Variants in IGFL2 observed in about 807,000 individuals in gnomAD.
IGFL2 encodes IGF like family member 2.
Under a neutral mutation model 13.9 loss-of-function variants are expected in IGFL2, and 7 were observed. The observed-to-expected ratio is 0.51, with a 90% confidence interval of 0.29 to 0.95. The LOEUF is 0.95. Ranked by LOEUF, IGFL2 falls within the 40% of genes least tolerant of loss-of-function variation. The pLI is 0.08. For synonymous variants in IGFL2, 55 were observed against 55.8 expected, an observed-to-expected ratio of 0.99 and a Z score of 0.07; for missense variants, 138 against 147.8, an observed-to-expected ratio of 0.93 and a Z score of 0.34.
the IGFL2 span, among the ~76,000 whole-genome samples, chr19:46,110,374 A>G: frequency 6.6e-6 from 1 of 152,198 alleles, no homozygotes; most frequent in South Asian, 2.1e-4. Context: ...TTCCTGCAAC[A>G]ACACAATCAC....
At chr19:46,127,221 A>G in the IGFL2 span, among the ~76,000 whole-genome samples, 11 of 152,190 alleles carry the variant, frequency 7.2e-5, no homozygotes, top group East Asian at 1.9e-3. Flanking sequence ...CCCTGTCTGT[A>G]CCAGAAAACA....
chr19:46,148,978 A>G (rs761777127), intron 1 of IGFL2: 24 of 1,596,186 alleles, frequency 1.5e-5, no homozygotes, highest in Non-Finnish European at 2.0e-5. Context: ...TCTCAGCGCC[A>G]GGAAATCATG....
At chr19:46,120,750 C>T in the IGFL2 span, among the ~76,000 whole-genome samples, 4 of 150,880 alleles carry the variant, frequency 2.7e-5, no homozygotes, top group South Asian at 2.1e-4. Context: ...TTGGTTATTG[C>T]ATAGCATGAT....
the IGFL2 span, among the ~76,000 whole-genome samples, chr19:46,205,071 G>A: frequency 6.6e-6 from 1 of 152,152 alleles, no homozygotes; most frequent in East Asian, 1.9e-4. Context: ...ACAGGCGTGA[G>A]CCACCGTGCC....
chr19:46,146,678 A>G (rs192266017), upstream of IGFL2, among the ~76,000 whole-genome samples: 169 of 152,266 alleles, frequency 1.1e-3, no homozygotes, highest in African/African-American at 3.8e-3. Context: ...ATACCAGTTC[A>G]GTTTTTGGGG....
At chr19:46,161,040 C>G in intron 3 of IGFL2, 30 bp from the exon 4 acceptor site, 1 of 1,578,576 alleles carries the variant, frequency 6.3e-7, no homozygotes, top group Non-Finnish European at 8.6e-7. Flanking sequence ...GTCTGTTATT[C>G]GTAATTTCTT....
chr19:46,198,995 A>C, the IGFL2 span, among the ~76,000 whole-genome samples: 1 of 152,212 alleles, frequency 6.6e-6, no homozygotes, highest in African/African-American at 2.4e-5. Flanking sequence ...CCACGGTTTC[A>C]CATTCCAGGA....
chr19:46,166,819 T>C, the IGFL2 span, among the ~76,000 whole-genome samples: 1 of 152,242 alleles, frequency 6.6e-6, no homozygotes, highest in Admixed American at 6.5e-5. Flanking sequence ...TCTGCCTGGC[T>C]CACCGGCGGT....
At chr19:46,120,135 A>G in the IGFL2 span, 1 of 672,784 alleles carries the variant, frequency 1.5e-6, no homozygotes, top group Non-Finnish European at 2.4e-6. Context: ...GGGAGCTGGA[A>G]AGGGGATGAA....
chr19:46,120,878 A>G, the IGFL2 span, among the ~76,000 whole-genome samples: 3 of 151,074 alleles, frequency 2.0e-5, no homozygotes, highest in South Asian at 6.3e-4. Context: ...CTTGAGTTTA[A>G]TTATTCCACA....
the IGFL2 span, among the ~76,000 whole-genome samples, chr19:46,098,722 A>C: frequency 6.6e-6 from 1 of 151,406 alleles, no homozygotes; most frequent in Non-Finnish European, 1.5e-5. Flanking sequence ...CAGGTGATCC[A>C]CCCGCCTCGG....
chr19:46,104,634 A>C, the IGFL2 span, among the ~76,000 whole-genome samples: 6 of 152,062 alleles, frequency 3.9e-5, no homozygotes, highest in Non-Finnish European at 8.8e-5. Flanking sequence ...CATGTAAGTA[A>C]ATCAATTTGC....
At chr19:46,083,977 T>G in the IGFL2 span, among the ~76,000 whole-genome samples, 1 of 152,224 alleles carries the variant, frequency 6.6e-6, no homozygotes, top group Admixed American at 6.5e-5. Context: ...TCCTACAGAT[T>G]TTGGTATGTT....
the IGFL2 span, among the ~76,000 whole-genome samples, chr19:46,177,728 C>T: frequency 2.6e-5 from 4 of 152,002 alleles, no homozygotes; most frequent in African/African-American, 9.7e-5. Context: ...ATGGAGGCTG[C>T]AGCTGGGGGA....
the IGFL2 span, chr19:46,119,921 T>G: frequency 5.4e-6 from 1 of 185,452 alleles, no homozygotes; most frequent in East Asian, 1.6e-4. Context: ...CCACAACTCA[T>G]GAAGCCTCAG....
chr19:46,161,799 C>T (rs1974184934), downstream of IGFL2, among the ~76,000 whole-genome samples: 1 of 152,082 alleles, frequency 6.6e-6, no homozygotes, highest in Non-Finnish European at 1.5e-5. Flanking sequence ...TTAAGTGAGG[C>T]CTTTAGCCTG....
At chr19:46,175,843 ATTTTTTT>A in the IGFL2 span, among the ~76,000 whole-genome samples, 1 of 119,976 alleles carries the variant, frequency 8.3e-6, no homozygotes, top group African/African-American at 3.1e-5. Flanking sequence ...GCCTGGCACT[ATTTTTTT>A]TTTTTTTTTT....
chr19:46,192,481 A>G, the IGFL2 span, among the ~76,000 whole-genome samples: 3 of 149,580 alleles, frequency 2.0e-5, no homozygotes, highest in Non-Finnish European at 4.4e-5. Context: ...GTGCAGTGGC[A>G]TGATCTCAGC....
the IGFL2 span, among the ~76,000 whole-genome samples, chr19:46,191,274 AGAAAAGAGACTGATTT>A: frequency 6.6e-6 from 1 of 152,178 alleles, no homozygotes; most frequent in South Asian, 2.1e-4. Flanking sequence ...GAGGGAGAGG[AGAAAAGAGACTGATTT>A]GGGGTTGGGA....
Sources: allele counts gnomAD v4.1 joint callset (sites outside exome capture counted in the v4.1 genomes callset), GRCh38; gene constraint gnomAD v4.1.1; transcripts MANE v1.5; gene names NCBI Gene and HGNC (gene_info 2026-07-23, HGNC 2026-07-21).